Variants in ENTREP2 observed in about 807,000 individuals in gnomAD.
ENTREP2 encodes protein ENTREP2.
At chr15:29,206,915 C>T in the ENTREP2 span, among the ~76,000 whole-genome samples, 1 of 152,156 alleles carries the variant, frequency 6.6e-6, no homozygotes, top group African/African-American at 2.4e-5. Flanking sequence ...TATTCACACA[C>T]GTGTCACCAA....
chr15:29,196,543 C>A, the ENTREP2 span: 1 of 1,551,404 alleles, frequency 6.4e-7, no homozygotes, highest in South Asian at 1.2e-5. Context: ...CAGACACACA[C>A]CTCCACACTG....
chr15:29,388,184 C>T, the ENTREP2 span, among the ~76,000 whole-genome samples: 1 of 152,306 alleles, frequency 6.6e-6, no homozygotes, highest in African/African-American at 2.4e-5. Context: ...GAACAGGCAA[C>T]CTACAGAATG....
At chr15:29,432,725 C>T in the ENTREP2 span, among the ~76,000 whole-genome samples, 9 of 152,246 alleles carry the variant, frequency 5.9e-5, no homozygotes, top group South Asian at 1.9e-3. Context: ...CTGGCAGACA[C>T]CTCTGTCCCA....
chr15:29,562,762 G>GT, the ENTREP2 span, among the ~76,000 whole-genome samples: 613 of 147,376 alleles, frequency 4.2e-3, 7 homozygotes, highest in African/African-American at 0.013. Context: ...GTTGTTGTTG[G>GT]TTTTTTTTGG....
chr15:29,490,423 C>T, the ENTREP2 span, among the ~76,000 whole-genome samples: 4 of 152,228 alleles, frequency 2.6e-5, no homozygotes, highest in African/African-American at 4.8e-5. Context: ...CGGCTGCTGG[C>T]TCCGGCAGCC....
At chr15:29,366,775 T>A in the ENTREP2 span, among the ~76,000 whole-genome samples, 1 of 152,228 alleles carries the variant, frequency 6.6e-6, no homozygotes, top group Non-Finnish European at 1.5e-5. Context: ...ATACTCTGGC[T>A]GGAAAGTAGA....
At chr15:29,224,248 T>C in the ENTREP2 span, among the ~76,000 whole-genome samples, 7 of 152,126 alleles carry the variant, frequency 4.6e-5, no homozygotes, top group African/African-American at 1.7e-4. Flanking sequence ...GGGTTCGTGG[T>C]CTCACTGGCT....
chr15:29,136,022 C>G, the ENTREP2 span, among the ~76,000 whole-genome samples: 13 of 152,228 alleles, frequency 8.5e-5, 1 homozygote, highest in East Asian at 3.9e-4. Flanking sequence ...CTCAGACGCA[C>G]CTGGGCTGTG....
At chr15:29,663,755 C>T in the ENTREP2 span, among the ~76,000 whole-genome samples, 2 of 151,960 alleles carry the variant, frequency 1.3e-5, no homozygotes, top group African/African-American at 4.8e-5. Flanking sequence ...GGAGATATAC[C>T]CAATGTAAAT....
chr15:29,188,860 C>T, the ENTREP2 span, among the ~76,000 whole-genome samples: 2 of 152,186 alleles, frequency 1.3e-5, no homozygotes, highest in East Asian at 3.9e-4. Context: ...CTACATGATG[C>T]AGCTTAAATA....
the ENTREP2 span, chr15:29,269,265 G>C: frequency 6.2e-7 from 1 of 1,614,134 alleles, no homozygotes; most frequent in Non-Finnish European, 8.5e-7. Flanking sequence ...TGTTGCTCTT[G>C]GGTTCAAGTT....
the ENTREP2 span, among the ~76,000 whole-genome samples, chr15:29,161,673 T>A: frequency 6.6e-6 from 1 of 152,154 alleles, no homozygotes; most frequent in Non-Finnish European, 1.5e-5. Flanking sequence ...ATATTTGAAA[T>A]TTTACAGGCT....
chr15:29,582,379 A>C, the ENTREP2 span, among the ~76,000 whole-genome samples: 5 of 152,220 alleles, frequency 3.3e-5, no homozygotes, highest in African/African-American at 1.2e-4. Flanking sequence ...TCAGAAATAA[A>C]GACTAAACAA....
the ENTREP2 span, among the ~76,000 whole-genome samples, chr15:29,348,308 G>A: frequency 6.6e-6 from 1 of 151,786 alleles, no homozygotes; most frequent in Non-Finnish European, 1.5e-5. Flanking sequence ...GGTGGTAAGT[G>A]GGGGAAATGG....
the ENTREP2 span, among the ~76,000 whole-genome samples, chr15:29,372,562 C>G: frequency 6.6e-6 from 1 of 152,058 alleles, no homozygotes; most frequent in Non-Finnish European, 1.5e-5. Flanking sequence ...CTCTATATCC[C>G]CATCTCTAAA....
chr15:29,196,653 A>C, the ENTREP2 span: 1 of 1,423,414 alleles, frequency 7.0e-7, no homozygotes. Flanking sequence ...GAACACAGGA[A>C]AATGGCTCAG....
chr15:29,189,851 TTATTA>T, the ENTREP2 span, among the ~76,000 whole-genome samples: 1 of 152,176 alleles, frequency 6.6e-6, no homozygotes, highest in African/African-American at 2.4e-5. Context: ...GTTTAAGCAT[TTATTA>T]TGTCATTTTT....
chr15:29,226,212 A>G, the ENTREP2 span, among the ~76,000 whole-genome samples: 4 of 152,214 alleles, frequency 2.6e-5, no homozygotes, highest in South Asian at 2.1e-4. Context: ...AGATATTTCT[A>G]TGGAACCACT....
the ENTREP2 span, among the ~76,000 whole-genome samples, chr15:29,221,955 C>A: frequency 1.3e-5 from 2 of 152,150 alleles, no homozygotes; most frequent in African/African-American, 4.8e-5. Context: ...AAATTAGGAG[C>A]TCTCCTGCAT....
Sources: gnomAD v4.1 joint callset for allele counts (sites outside exome capture counted in the v4.1 genomes callset) on GRCh38, gnomAD v4.1.1 for gene constraint, MANE v1.5 for transcripts, NCBI Gene and HGNC (gene_info 2026-07-23, HGNC 2026-07-21) for gene names.